CORO2B: variants seen among roughly 807,000 people sequenced by gnomAD.
CORO2B encodes coronin-2B.
Under a neutral mutation model 58.8 loss-of-function variants are expected in CORO2B, and 26 were observed. The observed-to-expected ratio is 0.44, with a 90% CI of 0.32 to 0.61. The LOEUF is 0.61. Ranked by LOEUF, CORO2B falls within the 20% of genes least tolerant of loss-of-function variation. The pLI is 0.04. For missense variants in CORO2B, 460 were observed against 645.1 expected (o/e 0.71, Z 3.11); for synonymous variants, 242 against 253.8 (o/e 0.95, Z 0.44).
the CORO2B span, among the ~76,000 whole-genome samples, chr15:68,541,801 A>G: frequency 6.6e-6 from 1 of 152,170 alleles, no homozygotes; most frequent in South Asian, 2.1e-4. Context: ...GTGCTGATCA[A>G]ACTCTGCTAA....
At chr15:68,675,551 C>T (rs1902554441) in intron 2 of CORO2B, among the ~76,000 whole-genome samples, 1 of 152,102 alleles carries the variant, frequency 6.6e-6, no homozygotes, top group Admixed American at 6.5e-5. Context: ...TGATCTTGAG[C>T]AAGACCATGA....
At chr15:68,558,011 G>A in the CORO2B span, among the ~76,000 whole-genome samples, 1 of 152,134 alleles carries the variant, frequency 6.6e-6, no homozygotes, top group African/African-American at 2.4e-5. Context: ...ACTGTGATAG[G>A]CCTTTGGGGC....
chr15:68,559,690 C>T, the CORO2B span: 17 of 949,564 alleles, frequency 1.8e-5, no homozygotes, highest in East Asian at 1.0e-3. The surrounding 1 kb of genome is among the most constrained non-coding windows in gnomAD (Gnocchi z 4.3). Context: ...CCGGTTGGTG[C>T]AGTGCTCTCT....
chr15:68,581,558 T>C (rs1280455606), intron 1 of CORO2B, among the ~76,000 whole-genome samples: 2 of 152,184 alleles, frequency 1.3e-5, no homozygotes, highest in Non-Finnish European at 2.9e-5. Flanking sequence ...ACTTCCATCC[T>C]TGGGCCTCTG....
chr15:68,566,781 T>A, the CORO2B span, among the ~76,000 whole-genome samples: 1 of 152,180 alleles, frequency 6.6e-6, no homozygotes. Context: ...GAGCCCAGCA[T>A]GAGACAGGGT....
At chr15:68,602,748 G>A (rs1000866651) in intron 1 of CORO2B, among the ~76,000 whole-genome samples, 1 of 152,170 alleles carries the variant, frequency 6.6e-6, no homozygotes. Flanking sequence ...CAGTGAAGGA[G>A]GTTCTGTGCA....
chr15:68,710,994 T>C lies in CORO2B; in HGVS notation c.483+113T>C, dbSNP rs1429156750. The C allele has an allele frequency of 8.6e-7, 1 of 1,169,546 alleles. No individual in the cohort carries two copies. The highest frequency in any genetic ancestry group is 1.2e-6 in the Non-Finnish European group (1 of 861,758). The allele number at this position is 1,169,546 out of a possible 1,614,324, so 72.4% of individuals were successfully genotyped here. A position where few individuals can be genotyped will look rare whatever the true frequency, so the allele number is the denominator to read the frequency against. On this transcript the variant is annotated intron_variant, in intron 4 of 11. Coordinates refer to ENST00000261861, the MANE Select transcript of CORO2B (RefSeq NM_006091.5). This position sits in a 1 kb window ranked among gnomAD's most constrained non-coding sequence, Gnocchi z 4.1. The stretch of plus-strand genomic sequence containing the variant: ...TAAGCAACCAATATGGCCTCATCTG[T>C]TCATTTGCTTATTCATTCATTCATT...
At chr15:68,548,865 T>C in the CORO2B span, among the ~76,000 whole-genome samples, 2 of 152,226 alleles carry the variant, frequency 1.3e-5, no homozygotes, top group Admixed American at 6.5e-5. Flanking sequence ...ATATTCTTAG[T>C]CCATTTTTAT....
chr15:68,673,622 A>C (rs934075071), intron 2 of CORO2B, among the ~76,000 whole-genome samples: 1 of 152,058 alleles, frequency 6.6e-6, no homozygotes, highest in Non-Finnish European at 1.5e-5. Context: ...CGAATCACTT[A>C]AGGTCAGGAG....
At chr15:68,696,880 A>T (rs1892524910) in intron 3 of CORO2B, among the ~76,000 whole-genome samples, 1 of 152,234 alleles carries the variant, frequency 6.6e-6, no homozygotes. Context: ...GGCCACAAGC[A>T]TCTACCTGGT....
the CORO2B span, among the ~76,000 whole-genome samples, chr15:68,553,843 C>T: frequency 2.6e-5 from 4 of 152,298 alleles, no homozygotes; most frequent in East Asian, 3.9e-4. Context: ...GGGCCCAGAC[C>T]GTGCAGGGCC....
chr15:68,600,763 T>C (rs527471845), intron 1 of CORO2B, among the ~76,000 whole-genome samples: 1 of 152,220 alleles, frequency 6.6e-6, no homozygotes, highest in South Asian at 2.1e-4. Flanking sequence ...ATGAAAACAG[T>C]AAATGGGACA....
intron 2 of CORO2B, among the ~76,000 whole-genome samples, chr15:68,694,793 G>C (rs944566561): frequency 6.6e-6 from 1 of 152,104 alleles, no homozygotes; most frequent in Non-Finnish European, 1.5e-5. Flanking sequence ...CTGCCCATCA[G>C]GCTGGTCACT....
intron 2 of CORO2B, among the ~76,000 whole-genome samples, chr15:68,660,494 C>T (rs1050309287): frequency 6.6e-6 from 1 of 152,150 alleles, no homozygotes; most frequent in South Asian, 2.1e-4. Context: ...CCTCAGCCTC[C>T]CAAGTAGCTG....
At chr15:68,582,204 C>T (rs1003828882) in intron 1 of CORO2B, among the ~76,000 whole-genome samples, 1 of 152,336 alleles carries the variant, frequency 6.6e-6, no homozygotes, top group Non-Finnish European at 1.5e-5. Context: ...GCCTTAGGAA[C>T]ACAGAGCCCC....
At chr15:68,694,925 C>G (rs1206613427) in intron 2 of CORO2B, among the ~76,000 whole-genome samples, 3 of 152,210 alleles carry the variant, frequency 2.0e-5, no homozygotes. Flanking sequence ...TGTGGCCTCC[C>G]TGAACCATTC....
intron 1 of CORO2B, among the ~76,000 whole-genome samples, chr15:68,617,109 G>C (rs535810405): frequency 6.6e-6 from 1 of 152,196 alleles, no homozygotes; most frequent in Admixed American, 6.5e-5. Context: ...GACTGAGACA[G>C]AGCCAGGTCT....
rs1029457656 is a variant in CORO2B at position 68,666,715 on chromosome 15, G to C, written c.216+21355G>C. ...TGTGTTGGGGGATGGGCAGGGAAGGGGCCAAGGGAGTTTTGTGCCTCTCTA... is the reference window on the plus strand; with the variant it reads ...TGTGTTGGGGGATGGGCAGGGAAGGCGCCAAGGGAGTTTTGTGCCTCTCTA... On this transcript the variant is annotated intron_variant, in intron 2 of 11. Transcript: ENST00000261861. 2.0e-5 allele frequency among the ~76,000 whole-genome samples: 3 copies of C among 152,094 alleles called. No individual in the cohort carries two copies. The South Asian group carries it at 6.2e-4, about 31-fold the overall frequency.
chr15:68,690,196 G>A (rs1892323879), intron 2 of CORO2B, among the ~76,000 whole-genome samples: 1 of 152,084 alleles, frequency 6.6e-6, no homozygotes, highest in Non-Finnish European at 1.5e-5. Flanking sequence ...GTGATCGTGG[G>A]AATATTTACA....
Sources: gnomAD v4.1 joint callset for allele counts (sites outside exome capture counted in the v4.1 genomes callset) on GRCh38, gnomAD v4.1.1 for gene constraint, Gnocchi (gnomAD v3.1) non-coding constraint, MANE v1.5 for transcripts, NCBI Gene and HGNC (gene_info 2026-07-23, HGNC 2026-07-21) for gene names.